The following OGFOD3 variants were observed in gnomAD, a reference collection of about 807,000 sequenced individuals.
OGFOD3 encodes the protein 2-oxoglutarate and iron-dependent oxygenase domain-containing protein 3.
In OGFOD3, 35 loss-of-function variants were observed where a neutral mutation model predicts 39.8. The ratio of observed to expected loss-of-function variants is 0.88; its 90% CI spans 0.67 to 1.17. The LOEUF (loss-of-function observed/expected upper bound fraction) is 1.17, where lower values mean the gene tolerates loss of function less well. Ranked by LOEUF, OGFOD3 falls within the 50% of genes most tolerant of loss-of-function variation. OGFOD3 has a pLI of 0.00. For missense variants in OGFOD3, 438 were observed against 454.5 expected (o/e 0.96, Z 0.33); for synonymous variants, 200 against 192.0 (o/e 1.04, Z -0.34).
chr17:82,415,948 G>A lies in OGFOD3; in HGVS notation c.75-321C>T, dbSNP rs895780744. Reference sequence around the variant, plus strand: ...ATGCTCCTTATAAAAGCCACTTCAGGCCCGGCGCAGTGGCTTATGCCTGTA... The same window carrying A: ...ATGCTCCTTATAAAAGCCACTTCAGACCCGGCGCAGTGGCTTATGCCTGTA... On this transcript the variant is annotated intron_variant, in intron 1 of 8. Coordinates refer to ENST00000313056, the MANE Select transcript of OGFOD3 (RefSeq NM_024648.3). The surrounding 1 kb of genome is among the most constrained non-coding windows in gnomAD (Gnocchi z 5.3). 6.6e-6 allele frequency among the ~76,000 whole-genome samples: 1 copy of A among 152,046 alleles called. No individual in the cohort carries two copies. Among genetic ancestry groups the A allele is most frequent in the Non-Finnish European group, 1.5e-5 (1 of 68,020 alleles).
rs2052947686 is a variant in OGFOD3 at position 82,411,810 on chromosome 17, G to A, written c.305-280C>T. On this transcript the variant is annotated intron_variant, in intron 2 of 8. Coordinates refer to ENST00000313056, the MANE Select transcript of OGFOD3 (RefSeq NM_024648.3). ...AAGTCACAGAAACCCCAGACACGGC[G>A]TCAACAGCATTCCTGAACCATCACT... 10 of 458,844 alleles carry A rather than the reference G, an allele frequency of 2.2e-5. No individual in the cohort carries two copies. In the East Asian group the frequency reaches 4.4e-4, roughly 20 times the overall value. The allele number at this position is 458,844 out of a possible 1,614,324, so 28.4% of individuals were successfully genotyped here.
Position 82,399,218 on chromosome 17 carries a change from C to T in OGFOD3, c.700-899G>A, listed in dbSNP as rs190925607. Among the ~76,000 whole-genome samples, 473 of 152,304 alleles carry T rather than the reference C, an allele frequency of 3.1e-3. 8 individuals carry two copies. Among genetic ancestry groups the T allele is most frequent in the Non-Finnish European group, 4.0e-3 (273 of 68,026 alleles). On this transcript the variant is annotated intron_variant, in intron 7 of 8. Transcript: ENST00000313056. ...TTTGTTCCTTTGCAACTTTAAAAAC[C>T]CTCTGCAGAGTCTCCAGCCTCATGC...
Position 82,392,709 on chromosome 17 carries a change from C to G in OGFOD3, c.824-175G>C, listed in dbSNP as rs2052614107. Reference sequence around the variant, plus strand: ...CTGCAGGAAGGAGGAGCTGGAGAAACAAACGCAGCAATGCTCAGGGGCCCT... The same window carrying G: ...CTGCAGGAAGGAGGAGCTGGAGAAAGAAACGCAGCAATGCTCAGGGGCCCT... On this transcript the variant is annotated intron_variant, in intron 8 of 8. Coordinates refer to ENST00000313056, the MANE Select transcript of OGFOD3 (RefSeq NM_024648.3). This position sits in a 1 kb window ranked among gnomAD's most constrained non-coding sequence, Gnocchi z 4.2. 1.3e-6 allele frequency: 1 copy of G among 775,372 alleles called. No individual in the cohort carries two copies. Among genetic ancestry groups the G allele is most frequent in the Admixed American group, 3.0e-5 (1 of 33,762 alleles). The allele number at this position is 775,372 out of a possible 1,614,324, so 48.0% of individuals were successfully genotyped here.
chr17:82,415,874 T>C lies in OGFOD3; in HGVS notation c.75-247A>G, dbSNP rs1318434406. Among the ~76,000 whole-genome samples the C allele has an allele frequency of 2.8e-5, 4 of 145,178 alleles. No individual in the cohort carries two copies. The highest frequency in any genetic ancestry group is 2.2e-4 in the South Asian group (1 of 4,586). ...CCCGGGAGTTTGAGAAATATTGCAA[T>C]AGAGACTCATGGGTTTTAAGCAAAA... is the stretch of plus-strand genomic sequence containing the variant. On this transcript the variant is annotated intron_variant, in intron 1 of 8. Transcript: ENST00000313056. The surrounding 1 kb of genome is among the most constrained non-coding windows in gnomAD (Gnocchi z 5.3).
chr17:82,407,744 G>A (rs2052877820), intron 4 of OGFOD3, among the ~76,000 whole-genome samples: 1 of 152,240 alleles, frequency 6.6e-6, no homozygotes, highest in Non-Finnish European at 1.5e-5. Context: ...CTCCATGCAG[G>A]ACAACTTCCC....
rs980011981 is a variant in OGFOD3 at position 82,406,199 on chromosome 17, C to T, written c.488+219G>A. On this transcript the variant is annotated intron_variant, in intron 5 of 8. Coordinates refer to ENST00000313056, the MANE Select transcript of OGFOD3 (RefSeq NM_024648.3). The surrounding 1 kb of genome is among the most constrained non-coding windows in gnomAD (Gnocchi z 5.2). ...ATTCCCCTAAAGCTTCATGAACAAGCCCCCTGCCCACAGGCTGTGGAGAGT... is the reference window on the plus strand; with the variant it reads ...ATTCCCCTAAAGCTTCATGAACAAGTCCCCTGCCCACAGGCTGTGGAGAGT... Among the ~76,000 whole-genome samples, 1 of 152,190 alleles carries T rather than the reference C, an allele frequency of 6.6e-6. No homozygotes were observed. The highest frequency in any genetic ancestry group is 1.5e-5 in the Non-Finnish European group (1 of 68,034).
intron 6 of OGFOD3, 53 bp downstream of exon 6, chr17:82,405,271 T>A: frequency 1.3e-6 from 2 of 1,504,190 alleles, no homozygotes; most frequent in Non-Finnish European, 9.2e-7. Context: ...GCCACACCCC[T>A]CAGCCCCAGG....
In OGFOD3 at chr17:82,392,517, TGAA is replaced by T. The variant is rs761945367; in HGVS notation, c.838_840del (p.Phe280del). ...CGGTGTAGGTTCTCGGACCCCGAGG[TGAA>T]GAAGGAGACGCGACCTGGGAGAGGA... On this transcript the variant is annotated inframe_deletion, in exon 9 of 9. Coordinates refer to ENST00000313056, the MANE Select transcript of OGFOD3 (RefSeq NM_024648.3). The surrounding 1 kb of genome is among the most constrained non-coding windows in gnomAD (Gnocchi z 4.2). 8.8e-6 allele frequency: 14 copies of T among 1,591,832 alleles called. No individual in the cohort carries two copies. The highest frequency in any genetic ancestry group is 2.7e-5 in the African/African-American group (2 of 73,302).
At chr17:82,395,291 C>T (rs2052654150) in intron 8 of OGFOD3, among the ~76,000 whole-genome samples, 1 of 152,142 alleles carries the variant, frequency 6.6e-6, no homozygotes, top group Non-Finnish European at 1.5e-5. Context: ...CTCGGCCTTG[C>T]AAGTGCTGGG....
chr17:82,415,770 C>G lies in OGFOD3; in HGVS notation c.75-143G>C, dbSNP rs2053023259. ...ACGAGGGCTTCCTGCCTGGGGCCAG[C>G]GCTGTCCACTCAGGAAACACGGACT... On this transcript the variant is annotated intron_variant, in intron 1 of 8. Transcript: ENST00000313056. The surrounding 1 kb of genome is among the most constrained non-coding windows in gnomAD (Gnocchi z 5.3). 1.8e-5 allele frequency: 12 copies of G among 680,990 alleles called. No homozygotes were observed. In the Admixed American group the frequency reaches 3.5e-4, roughly 20 times the overall value. The allele number at this position is 680,990 out of a possible 1,614,324, so 42.2% of individuals were successfully genotyped here.
At chr17:82,417,143 C>A (rs2053069952) in intron 1 of OGFOD3, 1 of 152,116 alleles carries the variant, frequency 6.6e-6, no homozygotes, top group Non-Finnish European at 1.5e-5. Flanking sequence ...TTGAAATATT[C>A]TTTTGGAGAG....
chr17:82,400,471 T>C (rs549479738), intron 7 of OGFOD3, among the ~76,000 whole-genome samples: 7 of 152,182 alleles, frequency 4.6e-5, no homozygotes, highest in Admixed American at 6.6e-5. Flanking sequence ...TGTTATGCAA[T>C]GGGAAGAAGG....
At chr17:82,400,774 A>C (rs192702909) in intron 7 of OGFOD3, 1 of 152,328 alleles carries the variant, frequency 6.6e-6, no homozygotes, top group East Asian at 1.9e-4. Context: ...GTCATAGCAA[A>C]ATAGCTCCCC....
rs958028861 is a variant in OGFOD3, at chr17:82,389,293, T to A, written c.*3105A>T. On this transcript the variant is annotated 3_prime_UTR_variant, in exon 9 of 9. Transcript: ENST00000313056. The surrounding 1 kb of genome is among the most constrained non-coding windows in gnomAD (Gnocchi z 4.6). ...CTTTTACTTAAAAATAGATCACTCA[T>A]CAGAGGACACACCTGAGACTCCAGT... 4 of 152,194 alleles carry A rather than the reference T, an allele frequency of 2.6e-5. No homozygotes were observed. Among genetic ancestry groups the A allele is most frequent in the Non-Finnish European group, 5.9e-5 (4 of 68,046 alleles). 9.4% of individuals were successfully genotyped at this position (152,194 alleles called of 1,614,324 possible). A position where few individuals can be genotyped will look rare whatever the true frequency, so the allele number is the denominator to read the frequency against.
chr17:82,395,965 TAGAC>T lies in OGFOD3; in HGVS notation c.823+2227_823+2230del, dbSNP rs750588706. On this transcript the variant is annotated intron_variant, in intron 8 of 8. Coordinates refer to ENST00000313056, the MANE Select transcript of OGFOD3 (RefSeq NM_024648.3). The stretch of plus-strand genomic sequence containing the variant: ...ACGTAAACACACAGATACACACAAT[TAGAC>T]AGATGTATGACATCAAATCACAGGT... Among the ~76,000 whole-genome samples, 50 of 150,238 alleles carry T rather than the reference TAGAC, an allele frequency of 3.3e-4. 1 individual carries two copies. The highest frequency in any genetic ancestry group is 1.3e-3 in the South Asian group (6 of 4,754).
Position 82,398,100 on chromosome 17 carries a change from G to A in OGFOD3, c.823+96C>T, listed in dbSNP as rs371442019. 8 of 1,479,950 alleles carry A rather than the reference G, an allele frequency of 5.4e-6. No homozygotes were observed. In the South Asian group the frequency reaches 5.9e-5, roughly 11 times the overall value. 91.7% of individuals were successfully genotyped at this position (1,479,950 alleles called of 1,614,324 possible). A position where few individuals can be genotyped will look rare whatever the true frequency, so the allele number is the denominator to read the frequency against. On this transcript the variant is annotated intron_variant, in intron 8 of 8. Coordinates refer to ENST00000313056, the MANE Select transcript of OGFOD3 (RefSeq NM_024648.3). The stretch of plus-strand genomic sequence containing the variant: ...CGGCCCGGCACACAGCAGATGCTCC[G>A]TGAACTCAGCCTCGCTCCCAGGGAC...
intron 8 of OGFOD3, among the ~76,000 whole-genome samples, chr17:82,394,167 C>T (rs1171836794): frequency 6.6e-6 from 1 of 151,550 alleles, no homozygotes; most frequent in Non-Finnish European, 1.5e-5. Context: ...TTTTTTTGTA[C>T]TTTTAGTAGA....
chr17:82,409,438 C>T (rs767829194), intron 3 of OGFOD3, 28 bp from the exon 4 acceptor site: 86 of 1,611,374 alleles, frequency 5.3e-5, no homozygotes, highest in East Asian at 2.9e-4. Context: ...TTCAGAATTT[C>T]GTTGCTAGAA....
chr17:82,396,425 A>C (rs543257041), intron 8 of OGFOD3: 1 of 146,578 alleles, frequency 6.8e-6, no homozygotes, highest in South Asian at 2.2e-4. Flanking sequence ...ATCACAGGGA[A>C]ACACACAGAT....
Sources: gnomAD v4.1 joint callset for allele counts (sites outside exome capture counted in the v4.1 genomes callset) on GRCh38, gnomAD v4.1.1 for gene constraint, Gnocchi (gnomAD v3.1) non-coding constraint, MANE v1.5 for transcripts, NCBI Gene and HGNC (gene_info 2026-07-23, HGNC 2026-07-21) for gene names.